CRYBG1: variants seen among roughly 807,000 people sequenced by gnomAD.
CRYBG1 encodes crystallin beta-gamma domain containing 1.
In CRYBG1, 139 loss-of-function variants were observed where a neutral mutation model predicts 189.2. The ratio of observed to expected loss-of-function variants is 0.73; its 90% confidence interval spans 0.64 to 0.85. The LOEUF is 0.85. Ranked by LOEUF, CRYBG1 falls within the 40% of genes least tolerant of loss-of-function variation. CRYBG1 has a pLI of 0.00. For synonymous variants in CRYBG1, 1,023 were observed against 1,017.1 expected (o/e 1.01, Z -0.11); for missense variants, 2,611 against 2,675.8 (o/e 0.98, Z 0.53).
intron 2 of CRYBG1, among the ~76,000 whole-genome samples, chr6:106,490,655 C>T (rs1181561): frequency 0.14 from 21,885 of 152,164 alleles, 1,677 homozygotes; most frequent in Middle Eastern, 0.31. Flanking sequence ...ATTTTGCTTT[C>T]CTTTGCATTT....
At chr6:106,554,406 G>T (rs764475523) in intron 16 of CRYBG1, among the ~76,000 whole-genome samples, 90 of 152,286 alleles carry the variant, frequency 5.9e-4, no homozygotes, top group Non-Finnish European at 1.1e-3. Context: ...TTGAGGTCAG[G>T]AGATCGAGAC....
At chr6:106,540,866 C>A (rs554254756) in intron 9 of CRYBG1, among the ~76,000 whole-genome samples, 111 of 152,036 alleles carry the variant, frequency 7.3e-4, no homozygotes, top group African/African-American at 2.7e-3. Context: ...AACTCTTGAA[C>A]TATTTAATAT....
intron 21 of CRYBG1, among the ~76,000 whole-genome samples, chr6:106,567,922 C>T (rs1416422901): frequency 2.6e-5 from 4 of 152,106 alleles, no homozygotes; most frequent in African/African-American, 9.7e-5. Context: ...ACAATGCTAC[C>T]GCGTCCCCTT....
chr6:106,410,789 T>C (rs1770914695), intron 1 of CRYBG1, among the ~76,000 whole-genome samples: 1 of 151,968 alleles, frequency 6.6e-6, no homozygotes, highest in Non-Finnish European at 1.5e-5. Flanking sequence ...ATATTCTCAC[T>C]CGTAAGTGGG....
At chr6:106,550,358 G>GCTTAAATT (rs1774367593) in intron 13 of CRYBG1, among the ~76,000 whole-genome samples, 1 of 152,114 alleles carries the variant, frequency 6.6e-6, no homozygotes, top group Non-Finnish European at 1.5e-5. Context: ...AGCTTTGAGA[G>GCTTAAATT]GATCATGAGA....
intron 1 of CRYBG1, among the ~76,000 whole-genome samples, chr6:106,371,575 C>G (rs1770033302): frequency 6.6e-6 from 1 of 152,202 alleles, no homozygotes; most frequent in Non-Finnish European, 1.5e-5. Context: ...TTTGTATTGG[C>G]TATCCAAAAC....
intron 2 of CRYBG1, among the ~76,000 whole-genome samples, chr6:106,463,057 G>A (rs973503177): frequency 3.3e-5 from 5 of 152,202 alleles, no homozygotes; most frequent in Non-Finnish European, 7.3e-5. Flanking sequence ...GGGAGGCTCA[G>A]GTGGGAGGAT....
chr6:106,464,035 G>GTAATTTAAA (rs1444495779), intron 2 of CRYBG1, among the ~76,000 whole-genome samples: 1 of 152,228 alleles, frequency 6.6e-6, no homozygotes, highest in Non-Finnish European at 1.5e-5. Context: ...ATGGACAACT[G>GTAATTTAAA]TAATTTAAAT....
intron 13 of CRYBG1, among the ~76,000 whole-genome samples, chr6:106,548,076 T>C (rs546527838): frequency 8.5e-5 from 13 of 152,356 alleles, no homozygotes; most frequent in African/African-American, 1.2e-4. Context: ...TGAGCAATTA[T>C]TCCACCAGGC....
intron 21 of CRYBG1, among the ~76,000 whole-genome samples, chr6:106,566,132 C>T (rs1156614375): frequency 6.6e-6 from 1 of 150,398 alleles, no homozygotes; most frequent in African/African-American, 2.5e-5. Flanking sequence ...ACACTATGTG[C>T]CAGGCTCGGT....
At chr6:106,454,746 G>GT (rs1771850597) in intron 2 of CRYBG1, 2 of 152,126 alleles carry the variant, frequency 1.3e-5, no homozygotes, top group East Asian at 3.8e-4. Context: ...TATTGTATTT[G>GT]TATACTATTT....
chr6:106,491,576 C>G (rs1202604141), intron 2 of CRYBG1, among the ~76,000 whole-genome samples: 2 of 152,136 alleles, frequency 1.3e-5, no homozygotes, highest in East Asian at 3.9e-4. Context: ...GGCCTCGAGA[C>G]TCTGCGTCAT....
chr6:106,363,498 A>G (rs1006761041), intron 1 of CRYBG1, among the ~76,000 whole-genome samples: 5 of 152,138 alleles, frequency 3.3e-5, no homozygotes, highest in African/African-American at 1.2e-4. Flanking sequence ...GAGTGGCAAA[A>G]GCACCCTTAG....
intron 4 of CRYBG1, among the ~76,000 whole-genome samples, chr6:106,523,464 G>C (rs1392396502): frequency 6.6e-6 from 1 of 151,914 alleles, no homozygotes; most frequent in Non-Finnish European, 1.5e-5. Flanking sequence ...AGAATATACA[G>C]TTTCCCTATG....
At chr6:106,517,313 C>CATATAT (rs1477971776) in intron 3 of CRYBG1, among the ~76,000 whole-genome samples, 3 of 126,440 alleles carry the variant, frequency 2.4e-5, no homozygotes, top group Middle Eastern at 3.6e-3. Flanking sequence ...TACACACACA[C>CATATAT]ACACATATAT....
Position 106,512,227 on chromosome 6 carries a change from C to T in CRYBG1, c.1110C>T (p.Ala370=), listed in dbSNP as rs749168690. ...ADCTARPKGH[A]HPAKVLTLDI... is the part of the protein sequence containing the mutation. ...GCACAGCCCGCCCCAAGGGTCACGC[C>T]CACCCTGCTAAGGTGCTAACTTTGG... The change falls in exon 3 of 22, where the codon GCC becomes GCT. Residue 370 remains alanine (A), a synonymous_variant. Coordinates refer to ENST00000633556, the MANE Select transcript of CRYBG1 (RefSeq NM_001371242.2). 3.3e-6 allele frequency: 5 copies of T among 1,538,156 alleles called. No individual in the cohort carries two copies. The South Asian group carries it at 5.9e-5, about 18-fold the overall frequency.
chr6:106,493,574 A>C (rs571460094), intron 2 of CRYBG1, among the ~76,000 whole-genome samples: 2 of 152,350 alleles, frequency 1.3e-5, no homozygotes, highest in African/African-American at 4.8e-5. Flanking sequence ...AATAGTCAAG[A>C]GAAGGAAAGA....
intron 2 of CRYBG1, among the ~76,000 whole-genome samples, chr6:106,472,092 A>G (rs1431272249): frequency 2.0e-5 from 3 of 152,232 alleles, no homozygotes; most frequent in African/African-American, 2.4e-5. Context: ...ACAGTATCCT[A>G]TTAAAATTTT....
At chr6:106,527,272 C>T (rs1303804431) in intron 6 of CRYBG1, 33 bp from the exon 7 acceptor site, 2 of 1,571,848 alleles carry the variant, frequency 1.3e-6, no homozygotes, top group East Asian at 2.3e-5. Context: ...CTCACGAAGA[C>T]TGACTAATGG....
Sources: allele counts gnomAD v4.1 joint callset (sites outside exome capture counted in the v4.1 genomes callset), GRCh38; gene constraint gnomAD v4.1.1; transcripts MANE v1.5; gene names NCBI Gene and HGNC (gene_info 2026-07-23, HGNC 2026-07-21).